CACNA1C: variants seen among roughly 807,000 people sequenced by gnomAD.
CACNA1C encodes voltage-dependent L-type calcium channel subunit alpha-1C.
Under a neutral mutation model 229.0 loss-of-function variants are expected in CACNA1C, and 30 were observed. The ratio of observed to expected loss-of-function variants is 0.13; its 90% CI spans 0.10 to 0.18. CACNA1C has a LOEUF of 0.18. Ranked by LOEUF, CACNA1C falls within the 10% of genes least tolerant of loss-of-function variation. The pLI, the probability that CACNA1C is intolerant of heterozygous loss-of-function variation, is 1.00. For synonymous variants in CACNA1C, 1,114 were observed against 1,132.5 expected (o/e 0.98, Z 0.33); for missense variants, 1,658 against 2,845.0 (o/e 0.58, Z 9.49).
At chr12:2,229,281 C>T (rs1009453321) in intron 3 of CACNA1C, among the ~76,000 whole-genome samples, 1 of 152,220 alleles carries the variant, frequency 6.6e-6, no homozygotes, top group Non-Finnish European at 1.5e-5. Flanking sequence ...AGGCTTGATA[C>T]AGGCCTCTTC....
chr12:2,186,682 T>A (rs2097025760), intron 3 of CACNA1C, among the ~76,000 whole-genome samples: 1 of 152,158 alleles, frequency 6.6e-6, no homozygotes, highest in African/African-American at 2.4e-5. Context: ...AGTTTAATCA[T>A]AATGGGATTT....
chr12:2,254,643 C>T (rs2076719230), intron 3 of CACNA1C, among the ~76,000 whole-genome samples: 1 of 152,134 alleles, frequency 6.6e-6, no homozygotes, highest in South Asian at 2.1e-4. Context: ...GCTGTTAACA[C>T]CTGCCCGTGG....
At chr12:2,455,785 T>C (rs190093465) in intron 4 of CACNA1C, among the ~76,000 whole-genome samples, 2 of 152,166 alleles carry the variant, frequency 1.3e-5, no homozygotes, top group Non-Finnish European at 2.9e-5. Flanking sequence ...CACTGACCGC[T>C]CTCTTCATGG....
intron 3 of CACNA1C, among the ~76,000 whole-genome samples, chr12:2,168,217 A>G (rs1327415832): frequency 6.6e-6 from 1 of 152,212 alleles, no homozygotes; most frequent in Non-Finnish European, 1.5e-5. Context: ...GGAGAGCTTT[A>G]ATCTTAAGAG....
chr12:1,972,962 G>A (rs2032995687), intron 1 of CACNA1C, among the ~76,000 whole-genome samples: 1 of 152,230 alleles, frequency 6.6e-6, no homozygotes, highest in African/African-American at 2.4e-5. Context: ...GGCATCCATA[G>A]ATGGGAAACA....
Position 2,677,016 on chromosome 12 carries a change from T to TG in CACNA1C, c.4829-77dup. 9 of 1,264,918 alleles carry TG rather than the reference T, an allele frequency of 7.1e-6. No homozygotes were observed. The highest frequency in any genetic ancestry group is 1.0e-5 in the Non-Finnish European group (9 of 889,436). 78.4% of individuals were successfully genotyped at this position (1,264,918 alleles called of 1,614,324 possible). On this transcript the variant is annotated intron_variant, in intron 39 of 46. Transcript: ENST00000399655. The surrounding 1 kb of genome is among the most constrained non-coding windows in gnomAD (Gnocchi z 7.4). Reference sequence around the variant, plus strand: ...TAAAGTTTTAAAAAGTTTTGGATGCTGAAAAAAAAAATGAATGAAGTTCAA... The same window carrying TG: ...TAAAGTTTTAAAAAGTTTTGGATGCTGGAAAAAAAAAATGAATGAAGTTCAA...
intron 3 of CACNA1C, among the ~76,000 whole-genome samples, chr12:2,190,235 T>C (rs986943595): frequency 6.6e-6 from 1 of 152,192 alleles, no homozygotes; most frequent in Non-Finnish European, 1.5e-5. Context: ...ACATTGCCAA[T>C]CGATTTAAAC....
intron 5 of CACNA1C, among the ~76,000 whole-genome samples, chr12:2,468,614 G>A (rs930990044): frequency 2.6e-5 from 4 of 152,216 alleles, no homozygotes; most frequent in African/African-American, 4.8e-5. Flanking sequence ...GCTGTAGGGC[G>A]CCCTGCCTGG....
At chr12:2,423,814 T>A (rs1420740683) in intron 3 of CACNA1C, among the ~76,000 whole-genome samples, 2 of 152,140 alleles carry the variant, frequency 1.3e-5, no homozygotes, top group Non-Finnish European at 2.9e-5. Flanking sequence ...TTTAAAGAGA[T>A]GTTTTCCCCA....
intron 3 of CACNA1C, among the ~76,000 whole-genome samples, chr12:2,230,785 T>G (rs528845334): frequency 7.9e-5 from 12 of 152,344 alleles, no homozygotes; most frequent in Non-Finnish European, 1.5e-4. Flanking sequence ...CCGGTGCTTA[T>G]TTTGCACAAG....
rs933108447 is a variant in CACNA1C at position 2,181,636 on chromosome 12, T to G, written c.477+61206T>G. Among the ~76,000 whole-genome samples the G allele has an allele frequency of 2.6e-5, 4 of 152,072 alleles. No homozygotes were observed. Among genetic ancestry groups the G allele is most frequent in the African/African-American group, 9.7e-5 (4 of 41,388 alleles). On this transcript the variant is annotated intron_variant, in intron 3 of 46. Coordinates refer to ENST00000399655, the MANE Select transcript of CACNA1C (RefSeq NM_000719.7). The surrounding 1 kb of genome is among the most constrained non-coding windows in gnomAD (Gnocchi z 4.0). ...GCTGCACCCACAGAATAGTGAGTAG[T>G]GTGTAGGCCAGGGCAAGAAAAAGAA...
chr12:2,259,860 C>T (rs1449150083), intron 3 of CACNA1C, among the ~76,000 whole-genome samples: 6 of 152,094 alleles, frequency 3.9e-5, no homozygotes, highest in Non-Finnish European at 1.5e-5. Context: ...TGCTTGAGCC[C>T]AGGAGGTGGA....
intron 1 of CACNA1C, among the ~76,000 whole-genome samples, chr12:2,045,053 A>G (rs1030715265): frequency 6.6e-6 from 1 of 152,232 alleles, no homozygotes; most frequent in Non-Finnish European, 1.5e-5. Context: ...ATTGAATGCC[A>G]GCTGAAATAT....
intron 18 of CACNA1C, 140 bp from the exon 19 acceptor site, chr12:2,593,073 G>A: frequency 2.3e-6 from 2 of 884,648 alleles, no homozygotes; most frequent in Non-Finnish European, 3.4e-6. Context: ...GCACCCACAG[G>A]GAGACAGCAG....
chr12:2,124,024 A>C (rs1476195386), intron 3 of CACNA1C, among the ~76,000 whole-genome samples: 1 of 151,862 alleles, frequency 6.6e-6, no homozygotes, highest in East Asian at 1.9e-4. Context: ...AACCTAACCC[A>C]GGCCCTGTTG....
In CACNA1C at chr12:2,601,388, G is replaced by GC. The variant is rs1275964868; in HGVS notation, c.2854-460dup. On this transcript the variant is annotated intron_variant, in intron 21 of 46. Coordinates refer to ENST00000399655, the MANE Select transcript of CACNA1C (RefSeq NM_000719.7). This position sits in a 1 kb window ranked among gnomAD's most constrained non-coding sequence, Gnocchi z 5.9. The stretch of plus-strand genomic sequence containing the variant: ...CTGGTCACCCTGCTGGGCATGCCCC[G>GC]CCCCCCAACCCACCCACTCACGGCA... Among the ~76,000 whole-genome samples, 3 of 144,208 alleles carry GC rather than the reference G, an allele frequency of 2.1e-5. No homozygotes were observed. The highest frequency in any genetic ancestry group is 7.5e-5 in the African/African-American group (3 of 40,044). The allele number at this position is 144,208 out of a possible 152,430, so 94.6% of individuals were successfully genotyped here.
At chr12:2,117,555 C>T (rs528332257) in intron 2 of CACNA1C, among the ~76,000 whole-genome samples, 23 of 152,242 alleles carry the variant, frequency 1.5e-4, no homozygotes, top group Non-Finnish European at 2.8e-4. Flanking sequence ...CCCTAAATCA[C>T]GCAGCTGGCA....
At chr12:2,466,730 C>T (rs1365789563) in intron 5 of CACNA1C, among the ~76,000 whole-genome samples, 13 of 152,182 alleles carry the variant, frequency 8.5e-5, no homozygotes, top group Admixed American at 1.3e-4. Flanking sequence ...GCCTGGAGAC[C>T]TTGGGCAGGT....
chr12:2,493,822 AAAG>A lies in CACNA1C; in HGVS notation c.1113+440_1113+442del, dbSNP rs2099741202. ...AAGAGAAGAAGTCCTGATCTTCTAA[AAAG>A]AAGTTATATAAAGAAACCATTTTTA... On this transcript the variant is annotated intron_variant, in intron 7 of 46. Coordinates refer to ENST00000399655, the MANE Select transcript of CACNA1C (RefSeq NM_000719.7). The surrounding 1 kb of genome is among the most constrained non-coding windows in gnomAD (Gnocchi z 4.6). Among the ~76,000 whole-genome samples the A allele has an allele frequency of 6.6e-6, 1 of 152,234 alleles. No homozygotes were observed. The highest frequency in any genetic ancestry group is 1.5e-5 in the Non-Finnish European group (1 of 68,042).
Sources: allele counts gnomAD v4.1 joint callset (sites outside exome capture counted in the v4.1 genomes callset), GRCh38; gene constraint gnomAD v4.1.1; non-coding constraint Gnocchi (gnomAD v3.1); transcripts MANE v1.5; gene names NCBI Gene and HGNC (gene_info 2026-07-23, HGNC 2026-07-21).